The following CUL5 variants were observed in gnomAD, a reference collection of about 807,000 sequenced individuals.
The protein encoded by CUL5 is cullin 5.
Under a neutral mutation model 108.8 loss-of-function variants are expected in CUL5, and 26 were observed. The ratio of observed to expected loss-of-function variants is 0.24; its 90% CI spans 0.18 to 0.33. The LOEUF is 0.33. Ranked by LOEUF, CUL5 falls within the 10% of genes least tolerant of loss-of-function variation. The pLI is 1.00. For synonymous variants in CUL5, 334 were observed against 298.0 expected, an observed-to-expected ratio of 1.12 and a Z score of -1.25; for missense variants, 524 against 909.2, an observed-to-expected ratio of 0.58 and a Z score of 5.45.
At chr11:108,050,664 A>C (rs1358271090) in intron 4 of CUL5, among the ~76,000 whole-genome samples, 1 of 152,146 alleles carries the variant, frequency 6.6e-6, no homozygotes, top group Non-Finnish European at 1.5e-5. Context: ...CACTGCACCC[A>C]ACCTATACCC....
chr11:108,097,602 T>C, intron 16 of CUL5, 34 bp from the exon 17 acceptor site: 1 of 1,201,646 alleles, frequency 8.3e-7, no homozygotes, highest in Non-Finnish European at 1.2e-6. Flanking sequence ...ATACTGTTTA[T>C]AGATGCTAAT....
At chr11:108,036,891 G>A (rs1429987509) in intron 2 of CUL5, among the ~76,000 whole-genome samples, 1 of 152,062 alleles carries the variant, frequency 6.6e-6, no homozygotes, top group African/African-American at 2.4e-5. Context: ...GGTGTAGGGA[G>A]GAACTGCAGG....
At chr11:108,087,904 G>A (rs1864260554) in intron 11 of CUL5, among the ~76,000 whole-genome samples, 1 of 152,100 alleles carries the variant, frequency 6.6e-6, no homozygotes, top group African/African-American at 2.4e-5. Context: ...GGCAGAGGTT[G>A]CAGTGAGCCA....
chr11:108,080,912 G>C (rs534075070), intron 11 of CUL5, among the ~76,000 whole-genome samples: 1 of 151,756 alleles, frequency 6.6e-6, no homozygotes, highest in East Asian at 1.9e-4. Context: ...TGTTGCTTTT[G>C]CTTTTGGTTT....
chr11:108,068,314 T>TTTTTGTTTTG (rs10691695), intron 7 of CUL5, among the ~76,000 whole-genome samples: 4 of 151,928 alleles, frequency 2.6e-5, no homozygotes, highest in African/African-American at 9.7e-5. Context: ...AAAACCTTTT[T>TTTTTGTTTTG]TTTTGTTTTG....
At chr11:108,091,731 AC>A (rs1864367804) in intron 13 of CUL5, among the ~76,000 whole-genome samples, 1 of 151,270 alleles carries the variant, frequency 6.6e-6, no homozygotes, top group African/African-American at 2.4e-5. Context: ...ACACACACAC[AC>A]GACAAATAAT....
chr11:108,052,653 T>G lies in CUL5; in HGVS notation c.412-7T>G, dbSNP rs780325083. 3 of 1,593,198 alleles carry G rather than the reference T, an allele frequency of 1.9e-6. No individual in the cohort carries two copies. Among genetic ancestry groups the G allele is most frequent in the African/African-American group, 2.7e-5 (2 of 73,928 alleles). ...AATTATGTTACAATTTGTTCTTGTT[T>G]TCCTAGCTTATGCTTGATACATGGA... On this transcript the variant is annotated splice_polypyrimidine_tract_variant and splice_region_variant and intron_variant, in intron 4 of 18. Transcript: ENST00000393094.
intron 1 of CUL5, among the ~76,000 whole-genome samples, chr11:108,014,134 G>A (rs1862123913): frequency 6.6e-6 from 1 of 152,196 alleles, no homozygotes; most frequent in Admixed American, 6.5e-5. Context: ...AATTTCTGGT[G>A]GGATGATCAG....
At chr11:108,035,866 G>A (rs553786849) in intron 2 of CUL5, among the ~76,000 whole-genome samples, 1 of 152,156 alleles carries the variant, frequency 6.6e-6, no homozygotes, top group Non-Finnish European at 1.5e-5. Flanking sequence ...TCAGGTTTCA[G>A]CCTAGCCTCA....
At chr11:108,030,617 A>G (rs1427711212) in intron 1 of CUL5, among the ~76,000 whole-genome samples, 2 of 152,234 alleles carry the variant, frequency 1.3e-5, no homozygotes, top group Non-Finnish European at 2.9e-5. Flanking sequence ...AGCTTGGGCA[A>G]CAAGAGTGAA....
chr11:108,095,313 C>T (rs73000522), intron 15 of CUL5, among the ~76,000 whole-genome samples: 8,869 of 152,220 alleles, frequency 0.058, 387 homozygotes, highest in Non-Finnish European at 0.079. Flanking sequence ...CATTTGCATC[C>T]GCCAGTACTC....
At chr11:108,100,072 T>G (rs925330387) in intron 18 of CUL5, among the ~76,000 whole-genome samples, 1 of 148,860 alleles carries the variant, frequency 6.7e-6, no homozygotes, top group Admixed American at 7.0e-5. Flanking sequence ...ACATGAAAAT[T>G]CAACTAGGAA....
intron 7 of CUL5, among the ~76,000 whole-genome samples, chr11:108,066,301 G>A (rs541908545): frequency 5.1e-4 from 78 of 152,016 alleles, no homozygotes; most frequent in South Asian, 8.3e-4. Flanking sequence ...CCAAGATCAC[G>A]CCACTGCACT....
chr11:108,059,324 ATAGACC>A (rs1235312517), intron 7 of CUL5, among the ~76,000 whole-genome samples: 2 of 152,210 alleles, frequency 1.3e-5, no homozygotes, highest in Middle Eastern at 3.2e-3. Context: ...GGATAATAAG[ATAGACC>A]TAGTCCCTAT....
chr11:108,080,382 C>A (rs1490165296), intron 11 of CUL5, among the ~76,000 whole-genome samples: 1 of 152,066 alleles, frequency 6.6e-6, no homozygotes. Flanking sequence ...AGCTACCATG[C>A]CCAGGCCTTT....
intron 1 of CUL5, among the ~76,000 whole-genome samples, chr11:108,019,773 C>T (rs1029398166): frequency 2.0e-5 from 3 of 152,060 alleles, no homozygotes; most frequent in Non-Finnish European, 2.9e-5. Context: ...TTATGTATAT[C>T]TTAGTCCATT....
At chr11:108,032,383 G>A (rs1402560426) in intron 1 of CUL5, among the ~76,000 whole-genome samples, 7 of 152,108 alleles carry the variant, frequency 4.6e-5, no homozygotes, top group South Asian at 2.1e-4. Context: ...TGGTGCGCAC[G>A]TGTAGTCCCA....
At chr11:108,068,318 T>C (rs561014238) in intron 7 of CUL5, among the ~76,000 whole-genome samples, 1 of 152,080 alleles carries the variant, frequency 6.6e-6, no homozygotes, top group East Asian at 1.9e-4. Context: ...CCTTTTTTTT[T>C]GTTTTGTTTT....
intron 7 of CUL5, among the ~76,000 whole-genome samples, chr11:108,063,756 A>G (rs1863607872): frequency 6.6e-6 from 1 of 152,152 alleles, no homozygotes; most frequent in African/African-American, 2.4e-5. Context: ...TATAGCCAGC[A>G]GTGGGATTGC....
Sources: allele counts gnomAD v4.1 joint callset (sites outside exome capture counted in the v4.1 genomes callset), GRCh38; gene constraint gnomAD v4.1.1; transcripts MANE v1.5; gene names NCBI Gene and HGNC (gene_info 2026-07-23, HGNC 2026-07-21).